The following GRIA1 variants were observed in gnomAD, a reference collection of about 807,000 sequenced individuals.
GRIA1 encodes the protein glutamate ionotropic receptor AMPA type subunit 1.
A neutral mutation model predicts 99.2 loss-of-function variants in GRIA1; 31 were observed. The observed-to-expected ratio is 0.31, with a 90% CI of 0.23 to 0.42. The LOEUF (loss-of-function observed/expected upper bound fraction) is 0.42. GRIA1 is among the 10% of genes least tolerant of loss of function. The probability of loss-of-function intolerance (pLI) is 1.00; values close to 1 mark genes in which losing one functional copy is unlikely to be tolerated. For missense variants in GRIA1, 782 were observed against 1,157.5 expected (o/e 0.68, Z 4.71); for synonymous variants, 438 against 432.4 (o/e 1.01, Z -0.16).
At chr5:153,504,975 C>A (rs1003196573) in intron 2 of GRIA1, among the ~76,000 whole-genome samples, 1 of 152,134 alleles carries the variant, frequency 6.6e-6, no homozygotes, top group Non-Finnish European at 1.5e-5. Flanking sequence ...GGTAGGTTCT[C>A]CTAATTGGTT....
In GRIA1 at chr5:153,795,616, G is replaced by T. The variant is rs368459750; in HGVS notation, c.2385+881G>T. ...GTCAGTCACCGGCTACAGAGGTCAC[G>T]CACACCTGTAACAAAAATGCACAGT... On this transcript the variant is annotated intron_variant, in intron 14 of 15. Coordinates refer to ENST00000285900, the MANE Select transcript of GRIA1 (RefSeq NM_000827.4). 9.1e-6 allele frequency: 12 copies of T among 1,318,258 alleles called. No individual in the cohort carries two copies. In the African/African-American group the frequency reaches 1.7e-4, roughly 19 times the overall value. 81.7% of individuals were successfully genotyped at this position (1,318,258 alleles called of 1,614,324 possible). A position where few individuals can be genotyped will look rare whatever the true frequency, so the allele number is the denominator to read the frequency against.
intron 2 of GRIA1, among the ~76,000 whole-genome samples, chr5:153,623,812 G>A (rs1206529603): frequency 2.6e-5 from 4 of 152,122 alleles, no homozygotes; most frequent in African/African-American, 7.2e-5. Flanking sequence ...TCAATCAGAA[G>A]GATTAAGAAG....
Position 153,633,728 on chromosome 5 carries a change from A to C in GRIA1, c.221-13200A>C, listed in dbSNP as rs191591283. Among the ~76,000 whole-genome samples the C allele has an allele frequency of 6.3e-4, 96 of 152,344 alleles. No homozygotes were observed. In the East Asian group the frequency reaches 0.013, roughly 21 times the overall value. ...ACTTATGAGGAAATAACTCCCAAAG[A>C]GGAGAAATGACTAAGTTCATATAAA... On this transcript the variant is annotated intron_variant, in intron 2 of 15. Coordinates refer to ENST00000285900, the MANE Select transcript of GRIA1 (RefSeq NM_000827.4).
chr5:153,489,669 T>C, upstream of GRIA1: 1 of 381,558 alleles, frequency 2.6e-6, no homozygotes, highest in South Asian at 2.0e-5. Flanking sequence ...AACACTACTA[T>C]CCTGAACACA....
intron 2 of GRIA1, among the ~76,000 whole-genome samples, chr5:153,532,164 T>C (rs1205680358): frequency 6.6e-6 from 1 of 152,154 alleles, no homozygotes; most frequent in Non-Finnish European, 1.5e-5. Context: ...TGAAAGTATG[T>C]TTTTTCCTCC....
chr5:153,809,871 G>A (rs13354399), intron 15 of GRIA1, among the ~76,000 whole-genome samples: 35,339 of 152,082 alleles, frequency 0.23, 4,405 homozygotes, highest in Middle Eastern at 0.35. Context: ...GCTTCAAGAC[G>A]ACAGTGAGAA....
At chr5:153,723,990 G>A (rs777212546) in intron 11 of GRIA1, among the ~76,000 whole-genome samples, 9 of 152,088 alleles carry the variant, frequency 5.9e-5, no homozygotes, top group Non-Finnish European at 8.8e-5. Flanking sequence ...ACTGGGAGGC[G>A]CCCCCCAGTA....
chr5:153,735,196 T>C (rs140385220), intron 11 of GRIA1, among the ~76,000 whole-genome samples: 2 of 152,256 alleles, frequency 1.3e-5, no homozygotes, highest in East Asian at 1.9e-4. Context: ...GGGTGACCAG[T>C]TGGGAGGATA....
At chr5:153,658,768 G>A (rs1467268566) in intron 5 of GRIA1, among the ~76,000 whole-genome samples, 2 of 152,116 alleles carry the variant, frequency 1.3e-5, no homozygotes, top group East Asian at 3.9e-4. Context: ...ACAAAAGGAG[G>A]GAGCTACACT....
At chr5:153,674,256 A>G (rs1756406963) in intron 5 of GRIA1, among the ~76,000 whole-genome samples, 3 of 152,250 alleles carry the variant, frequency 2.0e-5, no homozygotes, top group Non-Finnish European at 4.4e-5. Context: ...TAATAGTGGT[A>G]TAACTACTGG....
chr5:153,717,334 G>T (rs1759736745), intron 11 of GRIA1, among the ~76,000 whole-genome samples: 1 of 152,154 alleles, frequency 6.6e-6, no homozygotes, highest in African/African-American at 2.4e-5. Context: ...TTTTTCCACA[G>T]AAGCAAAGAG....
At chr5:153,794,874 G>T (rs1486414632) in intron 14 of GRIA1, 139 bp downstream of exon 14, 1 of 625,132 alleles carries the variant, frequency 1.6e-6, no homozygotes, top group Non-Finnish European at 2.9e-6. Flanking sequence ...GAAGCCCTTT[G>T]GTTGAGTAGA....
At chr5:153,778,651 CCACACACACACACA>C (rs57534899) in intron 13 of GRIA1, among the ~76,000 whole-genome samples, 1 of 147,288 alleles carries the variant, frequency 6.8e-6, no homozygotes, top group Admixed American at 6.8e-5. Context: ...TCACCCCCCA[CCACACACACACACA>C]CACACACACA....
rs148709085 is a variant in GRIA1 at position 153,738,330 on chromosome 5, GA to G, written c.1824-26103del. ...CCCCAACCAGAAACCTGGGAGACAA[GA>G]GTAGGGAAAGGGTATCCTCGGGGTT... is the stretch of plus-strand genomic sequence containing the variant. On this transcript the variant is annotated intron_variant, in intron 11 of 15. Coordinates refer to ENST00000285900, the MANE Select transcript of GRIA1 (RefSeq NM_000827.4). Among the ~76,000 whole-genome samples the G allele has an allele frequency of 8.5e-3, 1,293 of 152,290 alleles. 6 individuals carry two copies. The highest frequency in any genetic ancestry group is 0.014 in the South Asian group (66 of 4,818).
In GRIA1 at chr5:153,571,972, C is replaced by T. The variant is rs544378667; in HGVS notation, c.221-74956C>T. Among the ~76,000 whole-genome samples, 5 of 152,246 alleles carry T rather than the reference C, an allele frequency of 3.3e-5. No homozygotes were observed. In the East Asian group the frequency reaches 9.7e-4, roughly 29 times the overall value. On this transcript the variant is annotated intron_variant, in intron 2 of 15. Transcript: ENST00000285900. ...TTGCCATGCCATTTTAAGTGAGAAA[C>T]TAAGTCATATAAGAGCCTTTTAGAC... is the stretch of plus-strand genomic sequence containing the variant.
intron 14 of GRIA1, among the ~76,000 whole-genome samples, chr5:153,800,993 CATTTT>C (rs1381151442): frequency 2.6e-5 from 4 of 152,216 alleles, no homozygotes; most frequent in Non-Finnish European, 5.9e-5. Flanking sequence ...TGAGGCATTT[CATTTT>C]AATTCAATGA....
intron 3 of GRIA1, among the ~76,000 whole-genome samples, chr5:153,647,514 C>T (rs981331580): frequency 2.6e-5 from 4 of 152,148 alleles, no homozygotes; most frequent in Non-Finnish European, 4.4e-5. Context: ...TGGACAAACT[C>T]TCTCTGCCTC....
chr5:153,801,981 T>C (rs999197443), intron 14 of GRIA1, among the ~76,000 whole-genome samples: 2 of 149,550 alleles, frequency 1.3e-5, no homozygotes, highest in African/African-American at 4.9e-5. Flanking sequence ...GGAATGGAGC[T>C]GAAAAGGAAG....
In GRIA1 at chr5:153,650,446, G is replaced by A; in HGVS notation, c.577G>A (p.Glu193Lys). 1 of 1,614,024 alleles carries A rather than the reference G, an allele frequency of 6.2e-7. No individual in the cohort carries two copies. The highest frequency in any genetic ancestry group is 1.1e-5 in the South Asian group (1 of 91,088). Residue 193 changes from glutamate to lysine, a missense_variant, in exon 4 of 16, where the codon GAG (glutamate) becomes AAG (lysine). Around this residue, in one of 5 missense-constraint regions of GRIA1, gnomAD observed 461 missense variants for 521.7 expected, o/e 0.88. Transcript: ENST00000285900. ...EGYRMLFQDL[E>K]KKKERLVVVD... ...ATACCGGATGCTCTTTCAGGACCTGGAGAAGAAAAAGGAGCGGCTGGTGGT... is the reference window on the plus strand; with the variant it reads ...ATACCGGATGCTCTTTCAGGACCTGAAGAAGAAAAAGGAGCGGCTGGTGGT...
Sources: gnomAD v4.1 joint callset for allele counts (sites outside exome capture counted in the v4.1 genomes callset) on GRCh38, gnomAD v4.1.1 for gene constraint, gnomAD v4.1.1 regional missense constraint, MANE v1.5 for transcripts, NCBI Gene and HGNC (gene_info 2026-07-23, HGNC 2026-07-21) for gene names.